DTNB: variants seen among roughly 807,000 people sequenced by gnomAD.
DTNB encodes dystrobrevin beta.
Under a neutral mutation model 90.7 loss-of-function variants are expected in DTNB, and 63 were observed. The ratio of observed to expected loss-of-function variants is 0.69; its 90% CI spans 0.57 to 0.86. The LOEUF is 0.86. DTNB is among the 40% of genes least tolerant of loss of function. DTNB has a pLI of 0.00. For synonymous variants in DTNB, 277 were observed against 286.7 expected (o/e 0.97, Z 0.34); for missense variants, 744 against 807.1 (o/e 0.92, Z 0.95).
At chr2:25,613,036 A>G (rs1363566804) in intron 4 of DTNB, among the ~76,000 whole-genome samples, 1 of 152,244 alleles carries the variant, frequency 6.6e-6, no homozygotes, top group East Asian at 1.9e-4. Flanking sequence ...TAATAAAAAA[A>G]GGGAAGAAAC....
intron 3 of DTNB, among the ~76,000 whole-genome samples, chr2:25,633,074 C>T (rs565081375): frequency 6.6e-6 from 1 of 152,232 alleles, no homozygotes; most frequent in East Asian, 1.9e-4. Flanking sequence ...TAATATGAGT[C>T]GAGAACAATT....
At chr2:25,596,637 T>C (rs757748541) in intron 5 of DTNB, among the ~76,000 whole-genome samples, 3 of 152,198 alleles carry the variant, frequency 2.0e-5, no homozygotes, top group Non-Finnish European at 4.4e-5. Flanking sequence ...TGATTGAGTA[T>C]ATAAATACAT....
chr2:25,623,611 C>T (rs2073364996), intron 4 of DTNB, among the ~76,000 whole-genome samples: 1 of 152,190 alleles, frequency 6.6e-6, no homozygotes, highest in Admixed American at 6.5e-5. Context: ...GGTCTCCAGG[C>T]ACCTGGAAGA....
At chr2:25,534,443 T>G (rs546782747) in intron 8 of DTNB, among the ~76,000 whole-genome samples, 5 of 152,076 alleles carry the variant, frequency 3.3e-5, no homozygotes, top group Non-Finnish European at 5.9e-5. Context: ...CTGTTTCTTT[T>G]CCCCACATTT....
chr2:25,628,096 C>A (rs1260897218), intron 4 of DTNB, 75 bp downstream of exon 4: 6 of 1,493,750 alleles, frequency 4.0e-6, no homozygotes, highest in Middle Eastern at 1.9e-4. Flanking sequence ...CTTAGCACGG[C>A]AGTATGGAAG....
chr2:25,467,476 A>G (rs548575572), intron 10 of DTNB, among the ~76,000 whole-genome samples: 15 of 151,830 alleles, frequency 9.9e-5, no homozygotes, highest in Admixed American at 8.5e-4. Flanking sequence ...GTAAAGAAAA[A>G]AATTCTTTGT....
intron 9 of DTNB, among the ~76,000 whole-genome samples, chr2:25,495,310 T>C (rs747384085): frequency 1.7e-4 from 26 of 152,176 alleles, no homozygotes; most frequent in Non-Finnish European, 1.8e-4. Context: ...AAGTGATCCA[T>C]CTGCTTTGGC....
At chr2:25,401,082 GAGGTCACA>G (rs1227885966) in intron 16 of DTNB, among the ~76,000 whole-genome samples, 1 of 152,204 alleles carries the variant, frequency 6.6e-6, no homozygotes, top group Non-Finnish European at 1.5e-5. Context: ...GAGGTCAAGA[GAGGTCACA>G]AGGTCACACA....
chr2:25,536,503 A>C (rs2079808782), intron 8 of DTNB, among the ~76,000 whole-genome samples: 1 of 152,152 alleles, frequency 6.6e-6, no homozygotes, highest in Non-Finnish European at 1.5e-5. Context: ...GGAGCTGGAG[A>C]CCAGCCCGGT....
chr2:25,500,927 C>A (rs1376992734), intron 9 of DTNB, among the ~76,000 whole-genome samples: 1 of 152,220 alleles, frequency 6.6e-6, no homozygotes, highest in Non-Finnish European at 1.5e-5. Flanking sequence ...ACAAGGACTG[C>A]TGGCCACTTT....
chr2:25,501,463 T>G (rs1223530831), intron 9 of DTNB, among the ~76,000 whole-genome samples: 1 of 152,116 alleles, frequency 6.6e-6, no homozygotes, highest in Non-Finnish European at 1.5e-5. Flanking sequence ...CACCGCAATC[T>G]CCACCTCCCA....
rs148347138 is a variant in DTNB, at chr2:25,390,016, T to A, written c.1576-1655A>T. ...AAATATTGCAGAAAAATTTGCAATA[T>A]TTTTGTCCACCAGTTCTTTCCTGTT... On this transcript the variant is annotated intron_variant, in intron 16 of 20. Coordinates refer to ENST00000406818, the MANE Select transcript of DTNB (RefSeq NM_021907.5). Among the ~76,000 whole-genome samples, 5 of 152,300 alleles carry A rather than the reference T, an allele frequency of 3.3e-5. No homozygotes were observed. In the East Asian group the frequency reaches 9.6e-4, roughly 29 times the overall value.
rs575091565 is a variant in DTNB, at chr2:25,630,362, G to C, written c.149-1978C>G. 2.6e-5 allele frequency among the ~76,000 whole-genome samples: 4 copies of C among 152,134 alleles called. No individual in the cohort carries two copies. In the East Asian group the frequency reaches 5.8e-4, roughly 22 times the overall value. ...AAGAAGTTACACACAGGTCCCATAC[G>C]ACCCAGCAATTCCACTCCTACAGAA... On this transcript the variant is annotated intron_variant, in intron 3 of 20. Coordinates refer to ENST00000406818, the MANE Select transcript of DTNB (RefSeq NM_021907.5).
intron 11 of DTNB, among the ~76,000 whole-genome samples, chr2:25,453,768 A>G (rs2059610047): frequency 6.6e-6 from 1 of 152,010 alleles, no homozygotes; most frequent in Non-Finnish European, 1.5e-5. Context: ...ATGAGGAGAC[A>G]CTCTGTGATG....
In DTNB at chr2:25,485,332, A is replaced by G. The variant is rs574467054; in HGVS notation, c.1002-2459T>C. 5.6e-4 allele frequency among the ~76,000 whole-genome samples: 86 copies of G among 152,290 alleles called. 2 individuals are homozygous for G. The South Asian group carries it at 0.017, about 30-fold the overall frequency. On this transcript the variant is annotated intron_variant, in intron 9 of 20. Transcript: ENST00000406818. ...CACCTGCTATATTTCAATATTAAAGATATCACTGCATTCAATTTCCTTTTT... is the reference window on the plus strand; with the variant it reads ...CACCTGCTATATTTCAATATTAAAGGTATCACTGCATTCAATTTCCTTTTT...
At chr2:25,427,359 C>T (rs1038923699) in intron 15 of DTNB, 176 bp downstream of exon 15, 1 of 519,970 alleles carries the variant, frequency 1.9e-6, no homozygotes. Context: ...AATAATCTGG[C>T]TTTGCACTAA....
At chr2:25,570,406 CAAAAAAAAAAAAAAA>C (rs146251976) in intron 8 of DTNB, among the ~76,000 whole-genome samples, 1 of 89,914 alleles carries the variant, frequency 1.1e-5, no homozygotes, top group East Asian at 3.5e-4. Context: ...TTTCCTGTCT[CAAAAAAAAAAAAAAA>C]AAAAAAAAAA....
rs144729157 is a variant in DTNB at position 25,422,276 on chromosome 2, G to C, written c.1555-2741C>G. On this transcript the variant is annotated intron_variant, in intron 15 of 20. Coordinates refer to ENST00000406818, the MANE Select transcript of DTNB (RefSeq NM_021907.5). Reference sequence around the variant, plus strand: ...GCAAGGTGGCCAAAGCAATGACATAGCCACTGTAGTCATTTACATAAAAAT... The same window carrying C: ...GCAAGGTGGCCAAAGCAATGACATACCCACTGTAGTCATTTACATAAAAAT... Among the ~76,000 whole-genome samples the C allele has an allele frequency of 9.1e-4, 138 of 152,048 alleles. 1 individual carries two copies. The highest frequency in any genetic ancestry group is 3.4e-3 in the Middle Eastern group (1 of 292).
intron 6 of DTNB, among the ~76,000 whole-genome samples, chr2:25,588,760 T>A (rs912101783): frequency 6.6e-6 from 1 of 152,192 alleles, no homozygotes; most frequent in African/African-American, 2.4e-5. Flanking sequence ...AGTTCACACA[T>A]GTGCAGGAAA....
Sources: gnomAD v4.1 joint callset for allele counts (sites outside exome capture counted in the v4.1 genomes callset) on GRCh38, gnomAD v4.1.1 for gene constraint, MANE v1.5 for transcripts, NCBI Gene and HGNC (gene_info 2026-07-23, HGNC 2026-07-21) for gene names.